ADGRE1: variants seen among roughly 807,000 people sequenced by gnomAD.
ADGRE1 encodes the protein adhesion G protein-coupled receptor E1.
ADGRE1 carries 82 observed loss-of-function variants against 102.7 expected under a neutral mutation model. That is an observed-to-expected ratio of 0.80 (90% CI 0.67 to 0.96). The LOEUF is 0.96. Ranked by LOEUF, ADGRE1 falls within the 40% of genes least tolerant of loss-of-function variation. ADGRE1 has a pLI of 0.00. For missense variants in ADGRE1, 1,032 were observed against 1,085.3 expected (o/e 0.95, Z 0.69); for synonymous variants, 398 against 399.6 (o/e 1.00, Z 0.05).
rs3053967 is a variant in ADGRE1 at position 6,920,516 on chromosome 19, C to CTTTTTTTTTT, written c.1620+784_1620+793dup. ...TTACAGGCATGAACCACCATGCCCG[C>CTTTTTTTTTT]TTTTTTTTTTTTTTTTTTTTTTTTG... On this transcript the variant is annotated intron_variant, in intron 13 of 20. Transcript: ENST00000312053. Among the ~76,000 whole-genome samples, 43 of 75,730 alleles carry CTTTTTTTTTT rather than the reference C, an allele frequency of 5.7e-4. 7 individuals are homozygous for CTTTTTTTTTT. The highest frequency in any genetic ancestry group is 1.5e-3 in the East Asian group (2 of 1,352). The allele number at this position is 75,730 out of a possible 152,430, so 49.7% of individuals were successfully genotyped here.
At chr19:6,931,955 G>A (rs1042300160) in intron 17 of ADGRE1, among the ~76,000 whole-genome samples, 1 of 151,836 alleles carries the variant, frequency 6.6e-6, no homozygotes, top group South Asian at 2.1e-4. Flanking sequence ...AGCTCGTTAA[G>A]AAAATAAAAA....
chr19:6,904,363 A>G (rs1973874854), intron 8 of ADGRE1, among the ~76,000 whole-genome samples, 181 bp downstream of exon 8: 1 of 151,752 alleles, frequency 6.6e-6, no homozygotes, highest in Admixed American at 6.6e-5. Flanking sequence ...CTATTAATTA[A>G]TTAGTTAAAC....
intron 10 of ADGRE1, among the ~76,000 whole-genome samples, chr19:6,910,118 A>G (rs991655464): frequency 1.3e-5 from 2 of 152,124 alleles, no homozygotes; most frequent in African/African-American, 2.4e-5. Context: ...GTATGAAAAT[A>G]AGAATAACAC....
intron 11 of ADGRE1, among the ~76,000 whole-genome samples, chr19:6,914,093 G>T (rs982204045): frequency 1.3e-5 from 2 of 152,232 alleles, no homozygotes; most frequent in African/African-American, 4.8e-5. Flanking sequence ...CTGGGCTAAG[G>T]TATGACAGTC....
chr19:6,911,135 G>T (rs1974159521), intron 10 of ADGRE1, among the ~76,000 whole-genome samples: 1 of 152,090 alleles, frequency 6.6e-6, no homozygotes, highest in African/African-American at 2.4e-5. Context: ...CAGTGGGGAG[G>T]GGAGTCCCAC....
intron 2 of ADGRE1, chr19:6,895,572 A>C (rs1568336176): frequency 1.3e-5 from 2 of 152,182 alleles, no homozygotes; most frequent in Non-Finnish European, 2.9e-5. Flanking sequence ...GAAATGCAAA[A>C]TCCCCGGCCC....
At chr19:6,925,877 T>C (rs768824130) in intron 15 of ADGRE1, among the ~76,000 whole-genome samples, 31 of 151,728 alleles carry the variant, frequency 2.0e-4, no homozygotes, top group Non-Finnish European at 4.0e-4. Context: ...TGTATTTTTG[T>C]ATAGAGAGGG....
At chr19:6,901,463 T>C (rs748413511) in intron 5 of ADGRE1, among the ~76,000 whole-genome samples, 6 of 152,166 alleles carry the variant, frequency 3.9e-5, no homozygotes, top group Non-Finnish European at 8.8e-5. Context: ...TATTGGTCAG[T>C]GCAAGTCGTA....
At position 6,921,877 on chromosome 19, in the gene ADGRE1, G is replaced by A; in HGVS notation, c.1785G>A (p.Glu595=). The A allele has an allele frequency of 6.2e-7, 1 of 1,612,896 alleles. No homozygotes were observed. The highest frequency in any genetic ancestry group is 1.3e-5 in the African/African-American group (1 of 74,942). ...TTGCCGTTATCATGGCGTCTGGGGA[G>A]CTCACGGTCAGTACTGATGATTTGT... ...ANLAVIMASG[E]LTMDFSLYII... is the part of the protein sequence containing the mutation. Residue 595 remains glutamate, a synonymous_variant, in exon 14 of 21, where the codon GAG becomes GAA. Coordinates refer to ENST00000312053, the MANE Select transcript of ADGRE1 (RefSeq NM_001974.5).
chr19:6,937,462 C>T (rs746048135), intron 19 of ADGRE1, 51 bp downstream of exon 19: 2 of 1,591,420 alleles, frequency 1.3e-6, no homozygotes, highest in East Asian at 2.2e-5. Context: ...CCCTCTCCCC[C>T]CTTCCCCACC....
chr19:6,914,361 A>G (rs1452687195), intron 11 of ADGRE1, among the ~76,000 whole-genome samples: 1 of 152,222 alleles, frequency 6.6e-6, no homozygotes, highest in Non-Finnish European at 1.5e-5. Context: ...TCAATTTACA[A>G]TAGACCCAAA....
chr19:6,928,526 C>T (rs984578561), intron 17 of ADGRE1: 4 of 417,056 alleles, frequency 9.6e-6, no homozygotes, highest in Non-Finnish European at 1.7e-5. Flanking sequence ...ACTTAGGAGG[C>T]TGAGGCAGGA....
At position 6,896,471 on chromosome 19, in the gene ADGRE1, C is replaced by A; in HGVS notation, c.168C>A (p.Cys56Ter). Reference sequence around the variant, plus strand: ...CCAATACAGTGGACAGTTACTATTGCGCTTGCAAACAAGGCTTCCTGTCCA... The same window carrying A: ...CCAATACAGTGGACAGTTACTATTGAGCTTGCAAACAAGGCTTCCTGTCCA... ...TCTNTVDSYY[C>*]ACKQGFLSSN... The change falls in exon 3 of 21, where the codon TGC becomes TGA. Residue 56 changes from cysteine to a stop codon, truncating the protein, a stop_gained. Coordinates refer to ENST00000312053, the MANE Select transcript of ADGRE1 (RefSeq NM_001974.5). LOFTEE classifies it high-confidence loss of function. 1.2e-6 allele frequency: 2 copies of A among 1,614,108 alleles called. No individual in the cohort carries two copies. Among genetic ancestry groups the A allele is most frequent in the Admixed American group, 3.3e-5 (2 of 60,026 alleles).
chr19:6,911,029 A>G (rs1216876148), intron 10 of ADGRE1, among the ~76,000 whole-genome samples: 1 of 152,156 alleles, frequency 6.6e-6, no homozygotes, highest in Non-Finnish European at 1.5e-5. Flanking sequence ...TAAATTTAAC[A>G]TATCAGAGGG....
chr19:6,922,825 G>C (rs911411634), intron 14 of ADGRE1, among the ~76,000 whole-genome samples: 2 of 151,916 alleles, frequency 1.3e-5, no homozygotes, highest in South Asian at 2.1e-4. Context: ...CGCCTGTAAT[G>C]CCAGCACTTC....
Position 6,935,103 on chromosome 19 carries a change from C to A in ADGRE1, c.2381+25C>A, listed in dbSNP as rs527375394. ...GGTAAAGCCCTCTTTCACCTCCCCC[C>A]CTCTTTTAATTTCCTCTTTCTTCTT... On this transcript the variant is annotated intron_variant, in intron 18 of 20. Transcript: ENST00000312053. 1.2e-5 allele frequency: 17 copies of A among 1,461,422 alleles called. No homozygotes were observed. The East Asian group carries it at 1.3e-4, about 11-fold the overall frequency. The allele number at this position is 1,461,422 out of a possible 1,614,324, so 90.5% of individuals were successfully genotyped here.
At chr19:6,908,900 G>C (rs1974071336) in intron 10 of ADGRE1, 128 bp downstream of exon 10, 1 of 783,766 alleles carries the variant, frequency 1.3e-6, no homozygotes, top group Non-Finnish European at 2.0e-6. Flanking sequence ...TTGGGAGATT[G>C]AGTCAGATGA....
At chr19:6,925,741 AC>A (rs1382353003) in intron 15 of ADGRE1, among the ~76,000 whole-genome samples, 1 of 151,434 alleles carries the variant, frequency 6.6e-6, no homozygotes, top group Non-Finnish European at 1.5e-5. Context: ...TTGCTATGTC[AC>A]CCAGGCTAGA....
chr19:6,937,942 T>A (rs999269565), intron 20 of ADGRE1, among the ~76,000 whole-genome samples: 20 of 151,680 alleles, frequency 1.3e-4, no homozygotes, highest in African/African-American at 4.8e-4. Flanking sequence ...TTAAAAATAA[T>A]ACATATTTAT....
Sources: allele counts gnomAD v4.1 joint callset (sites outside exome capture counted in the v4.1 genomes callset), GRCh38; gene constraint gnomAD v4.1.1; transcripts MANE v1.5; gene names NCBI Gene and HGNC (gene_info 2026-07-23, HGNC 2026-07-21).